The following KATNB1 variants were observed in gnomAD, a reference collection of about 807,000 sequenced individuals.
KATNB1 encodes the protein katanin regulatory subunit B1.
Under a neutral mutation model 82.3 loss-of-function variants are expected in KATNB1, and 38 were observed. The observed-to-expected ratio is 0.46, with a 90% CI of 0.36 to 0.61. The LOEUF (loss-of-function observed/expected upper bound fraction) is 0.61, where lower values mean the gene tolerates loss of function less well. Ranked by LOEUF, KATNB1 falls within the 20% of genes least tolerant of loss-of-function variation. The probability of loss-of-function intolerance (pLI) is 0.00; values close to 1 mark genes in which losing one functional copy is unlikely to be tolerated. For synonymous variants in KATNB1, 361 were observed against 368.7 expected (o/e 0.98, Z 0.24); for missense variants, 749 against 915.7 (o/e 0.82, Z 2.35).
chr16:57,736,780 T>G, intron 1 of KATNB1, 198 bp from the exon 2 acceptor site: 2 of 336,900 alleles, frequency 5.9e-6, no homozygotes, highest in East Asian at 7.6e-5. Flanking sequence ...CTGGGAGGAG[T>G]TTCTTTTTCC....
At chr16:57,744,603 A>T in intron 4 of KATNB1, 92 bp downstream of exon 4, 3 of 1,068,762 alleles carry the variant, frequency 2.8e-6, no homozygotes, top group South Asian at 2.5e-5. Context: ...GCCTGCCTGG[A>T]CTACGTTGGC....
chr16:57,753,540 C>G, intron 12 of KATNB1, 21 bp downstream of exon 12: 10 of 1,611,310 alleles, frequency 6.2e-6, no homozygotes, highest in African/African-American at 1.3e-5. Context: ...GCTCCCGCCC[C>G]CAGCCCAGCG....
chr16:57,752,029 C>T lies in KATNB1; in HGVS notation c.606C>T (p.Tyr202=). The T allele has an allele frequency of 6.2e-7, 1 of 1,612,510 alleles. No individual in the cohort carries two copies. Among genetic ancestry groups the T allele is most frequent in the Non-Finnish European group, 8.5e-7 (1 of 1,179,786 alleles). The change falls in exon 8 of 20, where the codon TAC becomes TAT. Residue 202 remains tyrosine (Y), a synonymous_variant. Transcript: ENST00000379661. ...TGGTCGAGTTTCACCCCAACGAGTACCTCCTGGCCTCCGGCAGCTCTGACA... is the reference window on the plus strand; with the variant it reads ...TGGTCGAGTTTCACCCCAACGAGTATCTCCTGGCCTCCGGCAGCTCTGACA... The part of the protein sequence containing the change: ...VNVVEFHPNE[Y]LLASGSSDRT...
chr16:57,751,448 G>A lies in KATNB1; in HGVS notation c.432+146G>A, dbSNP rs1345808302. 2.4e-5 allele frequency: 23 copies of A among 974,120 alleles called. No individual in the cohort carries two copies. The highest frequency in any genetic ancestry group is 2.1e-4 in the Middle Eastern group (1 of 4,816). The allele number at this position is 974,120 out of a possible 1,614,324, so 60.3% of individuals were successfully genotyped here. A position where few individuals can be genotyped will look rare whatever the true frequency, so the allele number is the denominator to read the frequency against. ...CATAGACCTGGAGCTGAGCAGGAGCGCCATGGGCGGCCCACCTGGATCCCC... is the reference window on the plus strand; with the variant it reads ...CATAGACCTGGAGCTGAGCAGGAGCACCATGGGCGGCCCACCTGGATCCCC... On this transcript the variant is annotated intron_variant, in intron 6 of 19. Transcript: ENST00000379661. This position sits in a 1 kb window ranked among gnomAD's most constrained non-coding sequence, Gnocchi z 6.3.
intron 4 of KATNB1, among the ~76,000 whole-genome samples, chr16:57,748,887 T>C (rs1179361808): frequency 6.6e-6 from 1 of 152,170 alleles, no homozygotes; most frequent in Non-Finnish European, 1.5e-5. Context: ...AGCCTTGCTG[T>C]GGGATCCAAG....
intron 3 of KATNB1, among the ~76,000 whole-genome samples, chr16:57,743,071 T>C (rs1376113550): frequency 6.6e-6 from 1 of 152,148 alleles, no homozygotes; most frequent in Non-Finnish European, 1.5e-5. Context: ...GGCGGGTGGA[T>C]CACCTGAAGT....
Position 57,752,536 on chromosome 16 carries a change from C to T in KATNB1, c.639C>T (p.Ile213=). The T allele has an allele frequency of 6.4e-7, 1 of 1,564,696 alleles. No homozygotes were observed. ...LLASGSSDRT[I]RFWDLEKFQV... ...AGCTTGGCTGCCTTTGCAGGACAATCCGCTTCTGGGACCTGGAGAAGTTCC... is the reference window on the plus strand; with the variant it reads ...AGCTTGGCTGCCTTTGCAGGACAATTCGCTTCTGGGACCTGGAGAAGTTCC... Residue 213 remains isoleucine (I), a synonymous_variant, in exon 9 of 20, where the codon ATC becomes ATT. Transcript: ENST00000379661.
rs376831954 is a variant in KATNB1 at position 57,751,236 on chromosome 16, C to G, written c.391-25C>G. ...TGGCTCTGACCTCTCCTGACTCTGC[C>G]CCTCTGCTTCTCTCTCCCCCACAGC... On this transcript the variant is annotated intron_variant, in intron 5 of 19. Transcript: ENST00000379661. The surrounding 1 kb of genome is among the most constrained non-coding windows in gnomAD (Gnocchi z 6.3). 5.0e-6 allele frequency: 8 copies of G among 1,612,628 alleles called. No homozygotes were observed. Among genetic ancestry groups the G allele is most frequent in the Non-Finnish European group, 6.8e-6 (8 of 1,178,720 alleles).
At chr16:57,744,532 C>T in intron 4 of KATNB1, 21 bp downstream of exon 4, 5 of 1,563,292 alleles carry the variant, frequency 3.2e-6, no homozygotes, top group Non-Finnish European at 2.6e-6. Flanking sequence ...GAGCTTGCCT[C>T]CTGTGCACGC....
intron 18 of KATNB1, 68 bp downstream of exon 18, chr16:57,756,134 C>A: frequency 6.5e-7 from 1 of 1,536,626 alleles, no homozygotes; most frequent in Non-Finnish European, 8.9e-7. Context: ...TCCTCCAGAA[C>A]CATGGGAAGG....
At position 57,757,054 on chromosome 16, in the gene KATNB1, G is replaced by T; in HGVS notation, c.*108G>T. 1 of 1,280,160 alleles carries T rather than the reference G, an allele frequency of 7.8e-7. No individual in the cohort carries two copies. Among genetic ancestry groups the T allele is most frequent in the Non-Finnish European group, 1.0e-6 (1 of 983,702 alleles). 79.3% of individuals were successfully genotyped at this position (1,280,160 alleles called of 1,614,324 possible). ...CATGAGCCTCTGCCTGGCCCCTGCT[G>T]CTGTCCTGTGGCCGTCCTGGAGGAG... On this transcript the variant is annotated 3_prime_UTR_variant, in exon 20 of 20. Coordinates refer to ENST00000379661, the MANE Select transcript of KATNB1 (RefSeq NM_005886.3).
Position 57,755,458 on chromosome 16 carries a change from C to T in KATNB1, c.1530C>T (p.Asp510=). 1 of 1,613,460 alleles carries T rather than the reference C, an allele frequency of 6.2e-7. No individual in the cohort carries two copies. Residue 510 remains aspartate, a synonymous_variant, in exon 16 of 20, where the codon GAC becomes GAT. Coordinates refer to ENST00000379661, the MANE Select transcript of KATNB1 (RefSeq NM_005886.3). The part of the protein sequence containing the change: ...VVLTSRHKNL[D]TVRAVWTMGD... ...TCACCAGCCGCCACAAGAACCTGGA[C>T]ACTGTGCGGGCTGTGTGGACCATGG...
At chr16:57,741,951 T>C in intron 3 of KATNB1, 134 bp downstream of exon 3, 1 of 1,087,566 alleles carries the variant, frequency 9.2e-7, no homozygotes, top group Non-Finnish European at 1.3e-6. Flanking sequence ...GGGGCCCAGC[T>C]CAGGGGTGGA....
In KATNB1 at chr16:57,753,130, G is replaced by C. The variant is rs1395701718; in HGVS notation, c.909G>C (p.Thr303=). ...TCTCCTCCTACGTGGTGGATCTGAC[G>C]CGTGTCACCAGGACTGGCACGGTGG... ...SNVSSYVVDL[T]RVTRTGTVAR... Residue 303 remains threonine (T), a synonymous_variant, in exon 11 of 20, where the codon ACG becomes ACC. Transcript: ENST00000379661. 2 of 1,611,056 alleles carry C rather than the reference G, an allele frequency of 1.2e-6. No homozygotes were observed. The highest frequency in any genetic ancestry group is 1.1e-5 in the South Asian group (1 of 91,032).
rs201625277 is a variant in KATNB1, at chr16:57,753,446, C to T, written c.1104C>T (p.Asp368=). Residue 368 remains aspartate (D), a synonymous_variant, in exon 12 of 20, where the codon GAC becomes GAT. Coordinates refer to ENST00000379661, the MANE Select transcript of KATNB1 (RefSeq NM_005886.3). ...GCCCCAGCAGCGAGGATGACCGGGA[C>T]GAGCGCGAGTCCCGCGCGGAGATCC... is the stretch of plus-strand genomic sequence containing the variant. ...RRSPSSEDDR[D]ERESRAEIQN... is the part of the protein sequence containing the mutation. 74 of 1,612,998 alleles carry T rather than the reference C, an allele frequency of 4.6e-5. No individual in the cohort carries two copies. The highest frequency in any genetic ancestry group is 1.5e-4 in the Admixed American group (9 of 60,012).
Position 57,751,166 on chromosome 16 carries a change from C to A in KATNB1, c.391-95C>A. 1 of 1,212,058 alleles carries A rather than the reference C, an allele frequency of 8.3e-7. No individual in the cohort carries two copies. The highest frequency in any genetic ancestry group is 1.2e-5 in the South Asian group (1 of 81,850). The allele number at this position is 1,212,058 out of a possible 1,614,324, so 75.1% of individuals were successfully genotyped here. A position where few individuals can be genotyped will look rare whatever the true frequency, so the allele number is the denominator to read the frequency against. On this transcript the variant is annotated intron_variant, in intron 5 of 19. Coordinates refer to ENST00000379661, the MANE Select transcript of KATNB1 (RefSeq NM_005886.3). This position sits in a 1 kb window ranked among gnomAD's most constrained non-coding sequence, Gnocchi z 6.3. Reference sequence around the variant, plus strand: ...GTGGGGAGTAACGACCTAGAGAAGGCTGGGCCCCACCGTCTGCTCACGACT... The same window carrying A: ...GTGGGGAGTAACGACCTAGAGAAGGATGGGCCCCACCGTCTGCTCACGACT...
At chr16:57,750,979 AGCCCG>A in intron 5 of KATNB1, 52 bp downstream of exon 5, 2 of 1,468,956 alleles carry the variant, frequency 1.4e-6, no homozygotes, top group Non-Finnish European at 1.9e-6. Flanking sequence ...TGGCAGGACC[AGCCCG>A]GCCCGGCCCT....
intron 3 of KATNB1, among the ~76,000 whole-genome samples, chr16:57,742,533 A>T (rs1297745683): frequency 1.3e-5 from 2 of 152,192 alleles, no homozygotes; most frequent in African/African-American, 4.8e-5. Context: ...ACACACAAAT[A>T]CTCATACAAG....
At position 57,756,889 on chromosome 16, in the gene KATNB1, C is replaced by A. The variant is rs1200639473; in HGVS notation, c.1911C>A (p.Ser637Arg). 3 of 1,554,038 alleles carry A rather than the reference C, an allele frequency of 1.9e-6. No individual in the cohort carries two copies. Among genetic ancestry groups the A allele is most frequent in the African/African-American group, 2.7e-5 (2 of 73,294 alleles). Residue 637 changes from serine (S) to arginine (R), a missense_variant, in exon 20 of 20, where the codon AGC becomes AGA. Ser to Arg is a moderately radical substitution (Grantham distance 110). This residue lies in a region of KATNB1 where 95 missense variants were observed against 131.6 expected (regional missense o/e 0.72). Transcript: ENST00000379661. ...SGLVKSKSGLSGRHGSTFREL... is the reference protein window; with the variant it reads ...SGLVKSKSGLRGRHGSTFREL... ...TGGTCAAGAGCAAGTCAGGCCTGAGCGGCCGCCATGGCAGTACCTTCCGCG... is the reference window on the plus strand; with the variant it reads ...TGGTCAAGAGCAAGTCAGGCCTGAGAGGCCGCCATGGCAGTACCTTCCGCG...
Sources: allele counts gnomAD v4.1 joint callset (sites outside exome capture counted in the v4.1 genomes callset), GRCh38; gene constraint gnomAD v4.1.1; regional missense constraint gnomAD v4.1.1; non-coding constraint Gnocchi (gnomAD v3.1); transcripts MANE v1.5; gene names NCBI Gene and HGNC (gene_info 2026-07-23, HGNC 2026-07-21).